Variants in FBXL20 observed in about 807,000 individuals in gnomAD.
The protein encoded by FBXL20 is F-box and leucine rich repeat protein 20.
A neutral mutation model predicts 64.0 loss-of-function variants in FBXL20; 11 were observed. The observed-to-expected ratio is 0.17, with a 90% confidence interval of 0.11 to 0.28. The LOEUF (loss-of-function observed/expected upper bound fraction) is 0.28, where lower values mean the gene tolerates loss of function less well. FBXL20 is among the 10% of genes least tolerant of loss of function. The pLI, the probability that FBXL20 is intolerant of heterozygous loss-of-function variation, is 1.00. For synonymous variants in FBXL20, 184 were observed against 189.0 expected, an observed-to-expected ratio of 0.97 and a Z score of 0.22; for missense variants, 303 against 526.2, an observed-to-expected ratio of 0.58 and a Z score of 4.15.
Position 39,355,584 on chromosome 17 carries a change from G to A in FBXL20, c.43-12343C>T, listed in dbSNP as rs1008231108. On this transcript the variant is annotated intron_variant, in intron 1 of 14. Transcript: ENST00000264658. ...ATACAAGAACTCCTGGGCCGGGCGCGGTGGCTCACGCCTGTAATCCCAGCA... is the reference window on the plus strand; with the variant it reads ...ATACAAGAACTCCTGGGCCGGGCGCAGTGGCTCACGCCTGTAATCCCAGCA... Among the ~76,000 whole-genome samples, 16 of 151,356 alleles carry A rather than the reference G, an allele frequency of 1.1e-4. No homozygotes were observed. In the East Asian group the frequency reaches 2.9e-3, roughly 28 times the overall value.
At chr17:39,333,192 C>G (rs2047480423) in intron 2 of FBXL20, among the ~76,000 whole-genome samples, 2 of 152,200 alleles carry the variant, frequency 1.3e-5, no homozygotes, top group African/African-American at 4.8e-5. Context: ...CCCTCTGATG[C>G]CCAGCCGAGG....
intron 12 of FBXL20, among the ~76,000 whole-genome samples, chr17:39,266,209 C>T (rs907768029): frequency 3.1e-4 from 46 of 146,536 alleles, no homozygotes; most frequent in Admixed American, 1.5e-3. Context: ...GCTGGGATTA[C>T]AGGCTAGTTT....
intron 9 of FBXL20, 148 bp from the exon 10 acceptor site, chr17:39,275,248 T>C (rs2046879273): frequency 7.3e-6 from 6 of 820,870 alleles, no homozygotes; most frequent in Non-Finnish European, 3.7e-6. Flanking sequence ...TAAAAGAAAA[T>C]GAACACACGT....
chr17:39,290,713 G>A (rs144463753), intron 6 of FBXL20, among the ~76,000 whole-genome samples: 26 of 151,816 alleles, frequency 1.7e-4, no homozygotes, highest in Middle Eastern at 3.4e-3. Context: ...ACAGGTGTGC[G>A]CCACCATGCC....
chr17:39,296,199 T>C (rs1180090462), intron 6 of FBXL20, among the ~76,000 whole-genome samples: 1 of 152,026 alleles, frequency 6.6e-6, no homozygotes, highest in East Asian at 1.9e-4. Context: ...TATAAAGTAA[T>C]GGTGGGGGAA....
At chr17:39,293,541 A>G (rs1178050527) in intron 6 of FBXL20, among the ~76,000 whole-genome samples, 1 of 152,132 alleles carries the variant, frequency 6.6e-6, no homozygotes, top group African/African-American at 2.4e-5. Flanking sequence ...AAAATAAAAT[A>G]AATAAAAAAA....
At chr17:39,281,972 C>G (rs1405505258) in intron 8 of FBXL20, among the ~76,000 whole-genome samples, 1 of 152,152 alleles carries the variant, frequency 6.6e-6, no homozygotes, top group Non-Finnish European at 1.5e-5. Context: ...CAGTATTTTT[C>G]AGGATTCCTT....
chr17:39,356,164 G>C (rs2047736907), intron 1 of FBXL20, among the ~76,000 whole-genome samples: 2 of 144,900 alleles, frequency 1.4e-5, no homozygotes, highest in Non-Finnish European at 3.0e-5. Flanking sequence ...GCAGTGAGCT[G>C]AGATTGTGCC....
At chr17:39,356,017 C>A (rs2048041049) in intron 1 of FBXL20, among the ~76,000 whole-genome samples, 1 of 151,668 alleles carries the variant, frequency 6.6e-6, no homozygotes, top group Non-Finnish European at 1.5e-5. Context: ...AGTTCGAGAC[C>A]AGCCTGGCCA....
At chr17:39,350,932 C>T (rs1214977496) in intron 1 of FBXL20, among the ~76,000 whole-genome samples, 1 of 152,066 alleles carries the variant, frequency 6.6e-6, no homozygotes, top group Non-Finnish European at 1.5e-5. Flanking sequence ...CTGATGTACC[C>T]TAAAGTTTAA....
rs1331911336 is a variant in FBXL20, at chr17:39,252,766, AC to A, written c.*8693del. The A allele has an allele frequency of 1.3e-5, 2 of 148,268 alleles. No individual in the cohort carries two copies. The highest frequency in any genetic ancestry group is 2.1e-4 in the South Asian group (1 of 4,786). The allele number at this position is 148,268 out of a possible 1,614,324, so 9.2% of individuals were successfully genotyped here. On this transcript the variant is annotated 3_prime_UTR_variant, in exon 15 of 15. Coordinates refer to ENST00000264658, the MANE Select transcript of FBXL20 (RefSeq NM_032875.3). ...TACTTTATATATTTATATATAAAAA[AC>A]TTTTTTTTTTTTTTTTTAGTCCAAA... is the stretch of plus-strand genomic sequence containing the variant.
intron 1 of FBXL20, among the ~76,000 whole-genome samples, chr17:39,394,605 C>G (rs1020352435): frequency 6.6e-6 from 1 of 150,864 alleles, no homozygotes; most frequent in Non-Finnish European, 1.5e-5. Context: ...CATTCTGTCT[C>G]CCAGGCTGAA....
At chr17:39,297,901 A>C (rs531386309) in intron 5 of FBXL20, among the ~76,000 whole-genome samples, 91 of 151,768 alleles carry the variant, frequency 6.0e-4, no homozygotes, top group African/African-American at 2.1e-3. Context: ...ATGCCCAACT[A>C]AGTTTTTGTA....
At chr17:39,342,181 A>C (rs2047589160) in intron 2 of FBXL20, among the ~76,000 whole-genome samples, 1 of 152,180 alleles carries the variant, frequency 6.6e-6, no homozygotes, top group African/African-American at 2.4e-5. Context: ...AAAGAACTCT[A>C]GAAGTAATAA....
chr17:39,319,673 C>CAAAAAAAAAAAAAAA (rs71300077), intron 2 of FBXL20, among the ~76,000 whole-genome samples: 2 of 47,308 alleles, frequency 4.2e-5, no homozygotes, highest in African/African-American at 1.5e-4. Context: ...GACTCCATAT[C>CAAAAAAAAAAAAAAA]AAAAAAAAAA....
At chr17:39,360,977 T>C (rs1374709117) in intron 1 of FBXL20, among the ~76,000 whole-genome samples, 1 of 152,186 alleles carries the variant, frequency 6.6e-6, no homozygotes, top group African/African-American at 2.4e-5. Context: ...TTTCCCCCAT[T>C]GTTCCAGCCT....
intron 1 of FBXL20, among the ~76,000 whole-genome samples, chr17:39,379,731 T>C (rs984403239): frequency 2.0e-5 from 3 of 152,044 alleles, no homozygotes; most frequent in Non-Finnish European, 4.4e-5. Flanking sequence ...CAGTGAGCTA[T>C]GATTGTACCA....
At chr17:39,342,766 C>A (rs1014074713) in intron 2 of FBXL20, among the ~76,000 whole-genome samples, 4 of 151,730 alleles carry the variant, frequency 2.6e-5, no homozygotes, top group Non-Finnish European at 5.9e-5. Context: ...CCTGTAGTCC[C>A]AGCTACTCAG....
At chr17:39,400,347 G>A (rs138314144) in intron 1 of FBXL20, among the ~76,000 whole-genome samples, 1,813 of 152,172 alleles carry the variant, frequency 0.012, 73 homozygotes, top group Non-Finnish European at 9.7e-3. Context: ...CCTAGTTGTC[G>A]AGTTTCTTAA....
Sources: allele counts gnomAD v4.1 joint callset (sites outside exome capture counted in the v4.1 genomes callset), GRCh38; gene constraint gnomAD v4.1.1; transcripts MANE v1.5; gene names NCBI Gene and HGNC (gene_info 2026-07-23, HGNC 2026-07-21).